Variants in PNPLA3 observed in about 807,000 individuals in gnomAD.
PNPLA3 encodes the protein patatin like domain 3, 1-acylglycerol-3-phosphate O-acyltransferase.
A neutral mutation model predicts 43.1 loss-of-function variants in PNPLA3; 42 were observed. The observed-to-expected ratio is 0.97, with a 90% CI of 0.76 to 1.26. PNPLA3 has a LOEUF of 1.26. Ranked by LOEUF, PNPLA3 falls within the 50% of genes most tolerant of loss-of-function variation. The pLI is 0.00. For synonymous variants in PNPLA3, 272 were observed against 253.6 expected (o/e 1.07, Z -0.69); for missense variants, 647 against 621.4 (o/e 1.04, Z -0.44).
intron 1 of PNPLA3, chr22:43,924,471 C>T: frequency 4.6e-6 from 1 of 215,444 alleles, no homozygotes; most frequent in Non-Finnish European, 9.1e-6. Flanking sequence ...CTGGCCCCTG[C>T]GGACTCCGGG....
intron 8 of PNPLA3, among the ~76,000 whole-genome samples, chr22:43,945,463 CAG>C (rs1491473041): frequency 6.6e-6 from 1 of 152,202 alleles, no homozygotes; most frequent in African/African-American, 2.4e-5. Context: ...ACTTGGCTAA[CAG>C]GGGTGATCCC....
Position 43,944,722 on chromosome 22 carries a change from G to C in PNPLA3, c.1144G>C (p.Asp382His). The change falls in exon 8 of 9, where the codon GAT becomes CAT. Residue 382 changes from aspartate to histidine, a missense_variant. By Grantham distance (81) the Asp-to-His change is moderately conservative. Transcript: ENST00000216180. ...LVTWLPDMPDDVLWLQWVTSQ... is the reference protein window; with the variant it reads ...LVTWLPDMPDHVLWLQWVTSQ... ...GACATGGCTTCCAGATATGCCCGACGATGTCCTGTGGTTGCAGTGGGTGAC... is the reference window on the plus strand; with the variant it reads ...GACATGGCTTCCAGATATGCCCGACCATGTCCTGTGGTTGCAGTGGGTGAC... 6.2e-7 allele frequency: 1 copy of C among 1,614,216 alleles called. No homozygotes were observed. Among genetic ancestry groups the C allele is most frequent in the Non-Finnish European group, 8.5e-7 (1 of 1,180,046 alleles).
At chr22:43,927,995 C>A (rs1373615964) in intron 2 of PNPLA3, among the ~76,000 whole-genome samples, 1 of 152,214 alleles carries the variant, frequency 6.6e-6, no homozygotes, top group African/African-American at 2.4e-5. Context: ...AATGAAGATG[C>A]CTTCTCACTG....
Position 43,924,050 on chromosome 22 carries a change from T to G in PNPLA3, c.139T>G (p.Ser47Ala), listed in dbSNP as rs150311395. ...CGACGCGCGCATGTTGTTCGGCGCT[T>G]CGGCCGGGGCGTTGCACTGCGTCGG... The part of the protein sequence containing the change: ...LRDARMLFGA[S>A]AGALHCVGVL... Residue 47 changes from serine (S) to alanine (A), a missense_variant, in exon 1 of 9, where the codon TCG becomes GCG. By Grantham distance (99) the Ser-to-Ala change is moderately conservative. Coordinates refer to ENST00000216180, the MANE Select transcript of PNPLA3 (RefSeq NM_025225.3). 5.9e-5 allele frequency: 93 copies of G among 1,579,714 alleles called. No individual in the cohort carries two copies. The highest frequency in any genetic ancestry group is 7.8e-5 in the Non-Finnish European group (91 of 1,172,164).
chr22:43,926,361 G>A (rs149563123), intron 1 of PNPLA3, among the ~76,000 whole-genome samples: 1 of 152,202 alleles, frequency 6.6e-6, no homozygotes, highest in African/African-American at 2.4e-5. Context: ...ATCAGCCTGA[G>A]AGGCCAGGCC....
intron 1 of PNPLA3, 147 bp from the exon 2 acceptor site, chr22:43,926,788 C>A (rs751549886): frequency 1.1e-5 from 7 of 643,000 alleles, no homozygotes; most frequent in South Asian, 7.7e-5. Flanking sequence ...ATTTCAAGGG[C>A]GTGATAGCCA....
chr22:43,930,682 T>G (rs2049956101), intron 3 of PNPLA3, among the ~76,000 whole-genome samples: 1 of 152,094 alleles, frequency 6.6e-6, no homozygotes, highest in Admixed American at 6.5e-5. Flanking sequence ...TTTGGCTGAG[T>G]TCAGTGAATA....
chr22:43,938,318 G>A (rs987959085), intron 6 of PNPLA3, among the ~76,000 whole-genome samples: 4 of 152,194 alleles, frequency 2.6e-5, no homozygotes, highest in African/African-American at 9.7e-5. Context: ...ATGGGACACA[G>A]CAGCTGCCCA....
chr22:43,932,450 A>G (rs1000822967), intron 3 of PNPLA3, among the ~76,000 whole-genome samples: 21 of 152,262 alleles, frequency 1.4e-4, no homozygotes, highest in Non-Finnish European at 2.9e-4. Context: ...CTGGATTTGA[A>G]TCCATGACCA....
At chr22:43,939,940 G>T in intron 6 of PNPLA3, 53 bp from the exon 7 acceptor site, 1 of 1,613,630 alleles carries the variant, frequency 6.2e-7, no homozygotes. Context: ...AGAGTAAAGT[G>T]GTTTGGTTTT....
At chr22:43,927,189 A>T (rs1167537489) in intron 2 of PNPLA3, 22 bp downstream of exon 2, 5 of 1,607,406 alleles carry the variant, frequency 3.1e-6, no homozygotes, top group Non-Finnish European at 4.3e-6. Context: ...GCTTATCTGG[A>T]CGTTGTCAAG....
intron 7 of PNPLA3, among the ~76,000 whole-genome samples, chr22:43,941,446 T>C (rs2050030726): frequency 6.6e-6 from 1 of 152,112 alleles, no homozygotes; most frequent in Non-Finnish European, 1.5e-5. Flanking sequence ...TGACTCCAGA[T>C]GACTGAATCC....
chr22:43,936,322 C>A (rs188513942), intron 5 of PNPLA3, among the ~76,000 whole-genome samples: 1 of 152,148 alleles, frequency 6.6e-6, no homozygotes, highest in African/African-American at 2.4e-5. Context: ...GGGCAAGGCT[C>A]AGGCGTTGAG....
intron 7 of PNPLA3, among the ~76,000 whole-genome samples, chr22:43,943,140 T>C (rs890501816): frequency 2.0e-5 from 3 of 152,238 alleles, no homozygotes; most frequent in Non-Finnish European, 4.4e-5. Context: ...CTCTTGTTCT[T>C]TTTTCTTAGC....
intron 5 of PNPLA3, 127 bp downstream of exon 5, chr22:43,934,793 C>A: frequency 1.2e-6 from 1 of 853,048 alleles, no homozygotes; most frequent in African/African-American, 1.7e-5. Context: ...GTTGCTCAAC[C>A]TACTCATGAG....
At chr22:43,939,430 C>A in intron 6 of PNPLA3, 1 of 974,416 alleles carries the variant, frequency 1.0e-6, no homozygotes, top group Non-Finnish European at 1.2e-6. Flanking sequence ...TTTAAAGGAG[C>A]TGGGAGTGGG....
chr22:43,947,033 A>C lies in PNPLA3; in HGVS notation c.*651A>C. On this transcript the variant is annotated 3_prime_UTR_variant, in exon 9 of 9. Coordinates refer to ENST00000216180, the MANE Select transcript of PNPLA3 (RefSeq NM_025225.3). The stretch of plus-strand genomic sequence containing the variant: ...ACCTGTTGAATTTTGTATTATGTGA[A>C]TCAGTGAGATGTTAGTAGAATAAGC... The C allele has an allele frequency of 4.0e-6, 1 of 252,084 alleles. No individual in the cohort carries two copies. The highest frequency in any genetic ancestry group is 7.8e-6 in the Non-Finnish European group (1 of 129,008). 15.6% of individuals were successfully genotyped at this position (252,084 alleles called of 1,614,324 possible). A position where few individuals can be genotyped will look rare whatever the true frequency, so the allele number is the denominator to read the frequency against.
At position 43,923,863 on chromosome 22, in the gene PNPLA3, C is replaced by G. The variant is rs1316659242; in HGVS notation, c.-49C>G. Reference sequence around the variant, plus strand: ...GCGGATCAGGACCCGAGCCGATTCCCGATCCCGACCCAGATCCTAACCCGC... The same window carrying G: ...GCGGATCAGGACCCGAGCCGATTCCGGATCCCGACCCAGATCCTAACCCGC... On this transcript the variant is annotated 5_prime_UTR_variant, in exon 1 of 9. Coordinates refer to ENST00000216180, the MANE Select transcript of PNPLA3 (RefSeq NM_025225.3). The G allele has an allele frequency of 2.1e-6, 3 of 1,432,410 alleles. No homozygotes were observed. The highest frequency in any genetic ancestry group is 2.6e-5 in the Admixed American group (1 of 37,908). 88.7% of individuals were successfully genotyped at this position (1,432,410 alleles called of 1,614,324 possible). A position where few individuals can be genotyped will look rare whatever the true frequency, so the allele number is the denominator to read the frequency against.
In PNPLA3 at chr22:43,946,622, G is replaced by A; in HGVS notation, c.*240G>A. 1.4e-6 allele frequency: 1 copy of A among 705,252 alleles called. No homozygotes were observed. The highest frequency in any genetic ancestry group is 1.4e-5 in the South Asian group (1 of 71,568). 43.7% of individuals were successfully genotyped at this position (705,252 alleles called of 1,614,324 possible). A position where few individuals can be genotyped will look rare whatever the true frequency, so the allele number is the denominator to read the frequency against. ...TCAGCTGGTTGGGAAATGACACCAG[G>A]AAGCCCAGTGCAGAGGGTCCCTTAC... is the stretch of plus-strand genomic sequence containing the variant. On this transcript the variant is annotated 3_prime_UTR_variant, in exon 9 of 9. Coordinates refer to ENST00000216180, the MANE Select transcript of PNPLA3 (RefSeq NM_025225.3).
Sources: gnomAD v4.1 joint callset for allele counts (sites outside exome capture counted in the v4.1 genomes callset) on GRCh38, gnomAD v4.1.1 for gene constraint, MANE v1.5 for transcripts, NCBI Gene and HGNC (gene_info 2026-07-23, HGNC 2026-07-21) for gene names.